RELCH: variants seen among roughly 807,000 people sequenced by gnomAD.
RELCH encodes RAB11-binding protein RELCH.
A neutral mutation model predicts 150.3 loss-of-function variants in RELCH; 41 were observed. That is an observed-to-expected ratio of 0.27 (90% CI 0.21 to 0.35). The LOEUF (loss-of-function observed/expected upper bound fraction) is 0.35. RELCH is among the 10% of genes least tolerant of loss of function. The pLI, the probability that RELCH is intolerant of heterozygous loss-of-function variation, is 1.00. For synonymous variants in RELCH, 478 were observed against 531.8 expected (o/e 0.90, Z 1.39); for missense variants, 1,092 against 1,467.8 (o/e 0.74, Z 4.18).
intron 1 of RELCH, among the ~76,000 whole-genome samples, chr18:62,209,720 G>A (rs887003548): frequency 6.7e-6 from 1 of 149,896 alleles, no homozygotes; most frequent in African/African-American, 2.4e-5. Flanking sequence ...GAATATTGCT[G>A]TTCTGATATG....
chr18:62,252,569 T>G (rs1336617127), intron 11 of RELCH, 95 bp from the exon 12 acceptor site: 5 of 823,522 alleles, frequency 6.1e-6, no homozygotes, highest in Non-Finnish European at 1.0e-5. Flanking sequence ...AATCTTGTAC[T>G]CTATGTGAAT....
chr18:62,249,904 A>C (rs1367026118), intron 11 of RELCH, among the ~76,000 whole-genome samples: 2 of 152,158 alleles, frequency 1.3e-5, no homozygotes, highest in Non-Finnish European at 2.9e-5. Flanking sequence ...TATTTGATAT[A>C]ATCAGTTATT....
At chr18:62,233,839 G>A (rs2041728001) in intron 10 of RELCH, among the ~76,000 whole-genome samples, 1 of 151,630 alleles carries the variant, frequency 6.6e-6, no homozygotes. Context: ...TATCATAAAA[G>A]ACTACCATTA....
chr18:62,305,845 G>T lies in RELCH; in HGVS notation c.*311G>T, dbSNP rs1211142665. 6.4e-6 allele frequency: 1 copy of T among 156,238 alleles called. No individual in the cohort carries two copies. The highest frequency in any genetic ancestry group is 1.4e-5 in the Non-Finnish European group (1 of 70,972). The allele number at this position is 156,238 out of a possible 1,614,324, so 9.7% of individuals were successfully genotyped here. A position where few individuals can be genotyped will look rare whatever the true frequency, so the allele number is the denominator to read the frequency against. On this transcript the variant is annotated 3_prime_UTR_variant, in exon 29 of 29. Transcript: ENST00000644646. This position sits in a 1 kb window ranked among gnomAD's most constrained non-coding sequence, Gnocchi z 4.0. ...GAAGTTTTTTTTAATTTTTGGATGG[G>T]ATATTCGCAAATATCTGTATTATAC...
At chr18:62,286,177 A>G (rs529678608) in intron 25 of RELCH, among the ~76,000 whole-genome samples, 1 of 152,312 alleles carries the variant, frequency 6.6e-6, no homozygotes, top group South Asian at 2.1e-4. Context: ...TGAAAGAATG[A>G]TAAGTTTCTG....
chr18:62,210,854 C>T (rs1465053418), intron 1 of RELCH, among the ~76,000 whole-genome samples: 1 of 152,180 alleles, frequency 6.6e-6, no homozygotes, highest in African/African-American at 2.4e-5. Context: ...TAAACTCTTT[C>T]TTAGGTGGCA....
chr18:62,280,755 G>A (rs1506325), intron 24 of RELCH, 46 bp downstream of exon 24: 501,153 of 1,275,838 alleles, frequency 0.39, 100,966 homozygotes, highest in Middle Eastern at 0.54. Context: ...TATTGATGTG[G>A]TCATGATACA....
chr18:62,273,617 G>A (rs1430249527), intron 20 of RELCH, among the ~76,000 whole-genome samples: 5 of 152,142 alleles, frequency 3.3e-5, no homozygotes, highest in African/African-American at 7.2e-5. Flanking sequence ...CAGCTGAGTT[G>A]TCCAATCAGC....
chr18:62,191,691 C>T (rs2038652058), intron 1 of RELCH, among the ~76,000 whole-genome samples: 1 of 152,182 alleles, frequency 6.6e-6, no homozygotes, highest in Admixed American at 6.5e-5. Context: ...GCTTCCAGCT[C>T]CATCTATGTG....
intron 11 of RELCH, 143 bp from the exon 12 acceptor site, chr18:62,252,521 A>T (rs1021009022): frequency 5.9e-5 from 39 of 660,306 alleles, no homozygotes; most frequent in Admixed American, 3.3e-4. Flanking sequence ...TATCTCAAAA[A>T]AAATAAATAA....
rs771452746 is a variant in RELCH at position 62,264,038 on chromosome 18, T to G, written c.2400T>G (p.Ile800Met). The G allele has an allele frequency of 6.2e-7, 1 of 1,609,732 alleles. No individual in the cohort carries two copies. Among genetic ancestry groups the G allele is most frequent in the Non-Finnish European group, 8.5e-7 (1 of 1,177,978 alleles). ...PMSPLQDVST[I>M]IGSREQLAVL... is the part of the protein sequence containing the mutation. ...CGCCTCTTCAAGATGTGTCCACTAT[T>G]ATCGGAAGTCGTGAGCAATTGGCAG... is the stretch of plus-strand genomic sequence containing the variant. The change falls in exon 17 of 29, where the codon ATT (isoleucine) becomes ATG (methionine). Residue 800 changes from isoleucine to methionine, a missense_variant. Ile to Met is a conservative substitution (Grantham distance 10). This residue lies in a region of RELCH where 707 missense variants were observed against 1,025.4 expected (regional missense o/e 0.69). Transcript: ENST00000644646.
chr18:62,261,577 C>G lies in RELCH; in HGVS notation c.2269C>G (p.Pro757Ala), dbSNP rs2043274140. 1.2e-6 allele frequency: 2 copies of G among 1,612,066 alleles called. No homozygotes were observed. Among genetic ancestry groups the G allele is most frequent in the Non-Finnish European group, 1.7e-6 (2 of 1,178,756 alleles). ...MYLSALQSLI[P>A]SLFALVLQNA... The stretch of plus-strand genomic sequence containing the variant: ...TCTTTCTGCCTTGCAGTCCTTGATC[C>G]CATCTCTCTTTGCATTAGTGCTACA... The change falls in exon 16 of 29, where the codon CCA (proline) becomes GCA (alanine). Residue 757 changes from proline (P) to alanine (A), a missense_variant. Coordinates refer to ENST00000644646, the MANE Select transcript of RELCH (RefSeq NM_001346231.2).
chr18:62,243,257 C>T (rs2042239216), intron 10 of RELCH, among the ~76,000 whole-genome samples: 1 of 152,008 alleles, frequency 6.6e-6, no homozygotes, highest in Non-Finnish European at 1.5e-5. Flanking sequence ...GTTAAATTTC[C>T]AGCCAGACAG....
At chr18:62,213,241 A>C (rs1046244115) in intron 2 of RELCH, among the ~76,000 whole-genome samples, 1 of 152,100 alleles carries the variant, frequency 6.6e-6, no homozygotes, top group Non-Finnish European at 1.5e-5. Flanking sequence ...TATTGTACAA[A>C]TTGTTACATA....
At chr18:62,202,566 T>C (rs1161058722) in intron 1 of RELCH, among the ~76,000 whole-genome samples, 1 of 152,076 alleles carries the variant, frequency 6.6e-6, no homozygotes, top group East Asian at 1.9e-4. Context: ...CTAGAAAAAA[T>C]TAGAAAATAT....
At chr18:62,294,841 A>T (rs1370096002) in intron 27 of RELCH, among the ~76,000 whole-genome samples, 2 of 152,168 alleles carry the variant, frequency 1.3e-5, no homozygotes, top group Non-Finnish European at 2.9e-5. Flanking sequence ...TATATGGACA[A>T]TCTGTTATTT....
rs987604540 is a variant in RELCH at position 62,307,813 on chromosome 18, A to C, written c.*2279A>C. ...TGTTTCCAGAGTAATCCAGAGATTA[A>C]ATTTTTTCAGAAATCCAGAAGTGCC... On this transcript the variant is annotated 3_prime_UTR_variant, in exon 29 of 29. Transcript: ENST00000644646. The C allele has an allele frequency of 4.4e-4, 67 of 152,176 alleles. No individual in the cohort carries two copies. Among genetic ancestry groups the C allele is most frequent in the African/African-American group, 1.6e-3 (66 of 41,458 alleles). The allele number at this position is 152,176 out of a possible 1,614,324, so 9.4% of individuals were successfully genotyped here. A position where few individuals can be genotyped will look rare whatever the true frequency, so the allele number is the denominator to read the frequency against.
Position 62,258,660 on chromosome 18 carries a change from T to A in RELCH, c.2186T>A (p.Ile729Asn). The change falls in exon 15 of 29, where the codon ATT becomes AAT. Residue 729 changes from isoleucine to asparagine, a missense_variant. Ile to Asn is a moderately radical substitution (Grantham distance 149). Around this residue, in one of 4 missense-constraint regions of RELCH, gnomAD observed 707 missense variants for 1,025.4 expected, o/e 0.69. Transcript: ENST00000644646. ...CTTATACTTACACTACTGAACAAGA[T>A]TGAAAAACTTCTCAGGGTAAGTTCT... ...SHLILTLLNK[I>N]EKLLREGEHG... 6.3e-7 allele frequency: 1 copy of A among 1,585,866 alleles called. No homozygotes were observed. Among genetic ancestry groups the A allele is most frequent in the South Asian group, 1.2e-5 (1 of 85,714 alleles).
chr18:62,281,686 A>C (rs920810804), intron 24 of RELCH, among the ~76,000 whole-genome samples: 1 of 152,240 alleles, frequency 6.6e-6, no homozygotes, highest in Non-Finnish European at 1.5e-5. Flanking sequence ...ACCCAAAAGA[A>C]AAAAGTTTTA....
Sources: gnomAD v4.1 joint callset for allele counts (sites outside exome capture counted in the v4.1 genomes callset) on GRCh38, gnomAD v4.1.1 for gene constraint, gnomAD v4.1.1 regional missense constraint, Gnocchi (gnomAD v3.1) non-coding constraint, MANE v1.5 for transcripts, NCBI Gene and HGNC (gene_info 2026-07-23, HGNC 2026-07-21) for gene names.